The following TPGS2 variants were observed in gnomAD, a reference collection of about 807,000 sequenced individuals.
TPGS2 encodes polyglutamylase subunit 2.
A neutral mutation model predicts 31.1 loss-of-function variants in TPGS2; 26 were observed. That is an observed-to-expected ratio of 0.84 (90% CI 0.61 to 1.16). TPGS2 has a LOEUF of 1.16. Ranked by LOEUF, TPGS2 falls within the 50% of genes most tolerant of loss-of-function variation. The pLI, the probability that TPGS2 is intolerant of heterozygous loss-of-function variation, is 0.00. For missense variants in TPGS2, 351 were observed against 363.8 expected, an observed-to-expected ratio of 0.96 and a Z score of 0.29; for synonymous variants, 130 against 136.6, an observed-to-expected ratio of 0.95 and a Z score of 0.34.
At chr18:36,823,163 C>CT (rs1359486085) in intron 1 of TPGS2, among the ~76,000 whole-genome samples, 1 of 152,192 alleles carries the variant, frequency 6.6e-6, no homozygotes, top group African/African-American at 2.4e-5. Context: ...TCTACTTAGG[C>CT]TGAAATCACT....
At chr18:36,805,254 G>T in intron 4 of TPGS2, 120 bp downstream of exon 4, 2 of 1,177,798 alleles carry the variant, frequency 1.7e-6, no homozygotes, top group Non-Finnish European at 2.4e-6. Flanking sequence ...ATACTGAAAT[G>T]TTGAGTGAGG....
intron 4 of TPGS2, among the ~76,000 whole-genome samples, chr18:36,801,699 T>C (rs1005724377): frequency 1.3e-5 from 2 of 152,222 alleles, no homozygotes; most frequent in Non-Finnish European, 2.9e-5. Flanking sequence ...GTTATCCTTA[T>C]CTTTGTTCTC....
rs572499777 is a variant in TPGS2 at position 36,804,193 on chromosome 18, C to CTGT, written c.382+1178_382+1180dup. On this transcript the variant is annotated intron_variant, in intron 4 of 6. Coordinates refer to ENST00000334295, the MANE Select transcript of TPGS2 (RefSeq NM_015476.4). ...CTGCTGAGTCCCCTGACAGAAGTCA[C>CTGT]TGTTTTTCCATTTAGGTTTAATGAG... 2.2e-3 allele frequency among the ~76,000 whole-genome samples: 340 copies of CTGT among 152,282 alleles called. 2 individuals are homozygous for CTGT. Among genetic ancestry groups the CTGT allele is most frequent in the African/African-American group, 7.8e-3 (326 of 41,552 alleles).
chr18:36,798,268 G>A, intron 6 of TPGS2, 181 bp downstream of exon 6: 1 of 1,408,044 alleles, frequency 7.1e-7, no homozygotes, highest in East Asian at 2.5e-5. Flanking sequence ...CACTTAACTA[G>A]ATGAGTAAAG....
downstream of TPGS2, among the ~76,000 whole-genome samples, chr18:36,792,203 T>G (rs932448164): frequency 6.6e-6 from 1 of 152,092 alleles, no homozygotes; most frequent in African/African-American, 2.4e-5. Context: ...CAGAAAAAAG[T>G]TATAATCTTT....
intron 2 of TPGS2, among the ~76,000 whole-genome samples, chr18:36,813,691 C>T (rs1240243112): frequency 4.6e-5 from 7 of 152,212 alleles, no homozygotes; most frequent in Non-Finnish European, 2.9e-5. Flanking sequence ...AACTTTTCTA[C>T]ACACTTGGCA....
Position 36,795,896 on chromosome 18 carries a change from C to T in TPGS2, c.*909G>A, listed in dbSNP as rs2044504179. ...TTAACAGTGTCTGGCACCATTAAAA[C>T]TCTTTCTTTATGAAGAGTTGTGCAA... On this transcript the variant is annotated 3_prime_UTR_variant, in exon 7 of 7. Coordinates refer to ENST00000334295, the MANE Select transcript of TPGS2 (RefSeq NM_015476.4). The T allele has an allele frequency of 1.0e-6, 1 of 985,458 alleles. No homozygotes were observed. The highest frequency in any genetic ancestry group is 1.2e-6 in the Non-Finnish European group (1 of 829,930). The allele number at this position is 985,458 out of a possible 1,614,324, so 61.0% of individuals were successfully genotyped here.
At chr18:36,783,712 T>G (rs1416450633) in intron 6 of TPGS2, among the ~76,000 whole-genome samples, 1 of 152,224 alleles carries the variant, frequency 6.6e-6, no homozygotes, top group Non-Finnish European at 1.5e-5. Context: ...AATCCACTAT[T>G]TCTGTGTTCA....
chr18:36,828,873 C>T lies in TPGS2; in HGVS notation c.-106G>A. On this transcript the variant is annotated 5_prime_UTR_variant, in exon 1 of 7. Transcript: ENST00000334295. ...ATGCCGGGAACGGTAGTTCTCGGCG[C>T]CTGAAAGCGCGGCGCAGTGATGATG... 1 of 1,386,732 alleles carries T rather than the reference C, an allele frequency of 7.2e-7. No homozygotes were observed. The highest frequency in any genetic ancestry group is 2.0e-5 in the Admixed American group (1 of 50,008). The allele number at this position is 1,386,732 out of a possible 1,614,324, so 85.9% of individuals were successfully genotyped here.
At chr18:36,792,463 G>T (rs182881973), downstream of TPGS2, among the ~76,000 whole-genome samples, 11 of 152,098 alleles carry the variant, frequency 7.2e-5, no homozygotes, top group African/African-American at 2.7e-4. Context: ...AAACTAAAAA[G>T]GTCCCTTGGT....
chr18:36,815,992 G>A (rs2045637081), intron 2 of TPGS2, among the ~76,000 whole-genome samples: 1 of 152,066 alleles, frequency 6.6e-6, no homozygotes. Context: ...CACCTTGTTT[G>A]TTTGTATATT....
chr18:36,805,427 T>C lies in TPGS2; in HGVS notation c.329A>G (p.Tyr110Cys). The C allele has an allele frequency of 6.2e-7, 1 of 1,614,018 alleles. No homozygotes were observed. The highest frequency in any genetic ancestry group is 8.5e-7 in the Non-Finnish European group (1 of 1,179,916). The change falls in exon 4 of 7, where the codon TAT becomes TGT. Residue 110 changes from tyrosine to cysteine, a missense_variant. By Grantham distance (194) the Tyr-to-Cys change is radical (BLOSUM62 -2). Coordinates refer to ENST00000334295, the MANE Select transcript of TPGS2 (RefSeq NM_015476.4). ...KLTQLTQSSM[Y>C]SLPNAPTLAD... ...CAGAGTGGGTGCATTAGGAAGTGAATACATGGAAGACTGGGTGAGCTGAGT... is the reference window on the plus strand; with the variant it reads ...CAGAGTGGGTGCATTAGGAAGTGAACACATGGAAGACTGGGTGAGCTGAGT...
chr18:36,809,683 G>GACC (rs766155673), intron 2 of TPGS2, among the ~76,000 whole-genome samples: 4 of 152,184 alleles, frequency 2.6e-5, no homozygotes, highest in Non-Finnish European at 4.4e-5. Context: ...AGTTACCAGT[G>GACC]TTCTGCAAGG....
chr18:36,805,585 T>TA, intron 3 of TPGS2, 83 bp from the exon 4 acceptor site: 2 of 1,568,498 alleles, frequency 1.3e-6, no homozygotes, highest in Non-Finnish European at 1.7e-6. Flanking sequence ...TTGAATAACC[T>TA]AAGCCCAGGT....
chr18:36,798,439 C>T lies in TPGS2; in HGVS notation c.657+10G>A. 6.2e-7 allele frequency: 1 copy of T among 1,614,082 alleles called. No homozygotes were observed. The highest frequency in any genetic ancestry group is 8.5e-7 in the Non-Finnish European group (1 of 1,179,990). ...ACCATAGTTTACAATGGCAGGTGTT[C>T]CTCCCTTACCTTGGCCTGTGGGCTA... is the stretch of plus-strand genomic sequence containing the variant. On this transcript the variant is annotated intron_variant, in intron 6 of 6. Transcript: ENST00000334295.
rs2044495953 is a variant in TPGS2 at position 36,795,711 on chromosome 18, T to C, written c.*1094A>G. 1.0e-6 allele frequency: 1 copy of C among 985,336 alleles called. No individual in the cohort carries two copies. The highest frequency in any genetic ancestry group is 1.7e-5 in the African/African-American group (1 of 57,228). The allele number at this position is 985,336 out of a possible 1,614,324, so 61.0% of individuals were successfully genotyped here. On this transcript the variant is annotated 3_prime_UTR_variant, in exon 7 of 7. Coordinates refer to ENST00000334295, the MANE Select transcript of TPGS2 (RefSeq NM_015476.4). ...CCCCCATATGTCAATGGGAAAATGA[T>C]TTCTGAATTACAGGCAACTTGCTTC...
intron 6 of TPGS2, chr18:36,787,116 T>G (rs2044151348): frequency 8.1e-7 from 1 of 1,232,374 alleles, no homozygotes; most frequent in East Asian, 3.2e-5. Context: ...TGGGTCTTGG[T>G]TCAGAATTTA....
At chr18:36,808,028 T>C in intron 2 of TPGS2, 94 bp from the exon 3 acceptor site, 2 of 1,178,172 alleles carry the variant, frequency 1.7e-6, no homozygotes, top group South Asian at 1.3e-5. Context: ...TAGCATGTTA[T>C]ACGTCCCTGA....
intron 6 of TPGS2, chr18:36,798,093 G>A: frequency 9.7e-7 from 1 of 1,026,444 alleles, no homozygotes; most frequent in South Asian, 3.8e-5. Context: ...GCTGCCACTG[G>A]GGATGCACAC....
Sources: allele counts gnomAD v4.1 joint callset (sites outside exome capture counted in the v4.1 genomes callset), GRCh38; gene constraint gnomAD v4.1.1; transcripts MANE v1.5; gene names NCBI Gene and HGNC (gene_info 2026-07-23, HGNC 2026-07-21).